The following AP5Z1 variants were observed in gnomAD, a reference collection of about 807,000 sequenced individuals.
AP5Z1 encodes adaptor related protein complex 5 subunit zeta 1, also known as AP-5 complex subunit zeta-1.
Under a neutral mutation model 83.0 loss-of-function variants are expected in AP5Z1, and 106 were observed. The ratio of observed to expected loss-of-function variants is 1.28; its 90% CI spans 1.09 to 1.50. AP5Z1 has a LOEUF of 1.50. Ranked by LOEUF, AP5Z1 falls within the 40% of genes most tolerant of loss-of-function variation. AP5Z1 has a pLI of 0.00. For missense variants in AP5Z1, 1,565 were observed against 1,094.2 expected (o/e 1.43, Z -6.07); for synonymous variants, 751 against 514.1 (o/e 1.46, Z -6.23).
chr7:4,781,357 CA>C, intron 2 of AP5Z1, 45 bp downstream of exon 2: 1 of 1,608,896 alleles, frequency 6.2e-7, no homozygotes, highest in Non-Finnish European at 8.5e-7. Context: ...ACAGCGGCCC[CA>C]GGAGAACCCA....
chr7:4,780,560 C>G (rs1191079287), intron 1 of AP5Z1, among the ~76,000 whole-genome samples: 2 of 151,888 alleles, frequency 1.3e-5, no homozygotes, highest in South Asian at 2.1e-4. Flanking sequence ...GTCAGGAGAT[C>G]AAGACCATCC....
chr7:4,784,588 G>A (rs1431485261), intron 6 of AP5Z1, among the ~76,000 whole-genome samples: 1 of 152,140 alleles, frequency 6.6e-6, no homozygotes, highest in Non-Finnish European at 1.5e-5. Flanking sequence ...GGGATCCTCT[G>A]GACACCCCGT....
chr7:4,787,530 G>A (rs943498373), intron 10 of AP5Z1, 104 bp from the exon 11 acceptor site: 1 of 1,453,414 alleles, frequency 6.9e-7, no homozygotes, highest in Non-Finnish European at 9.1e-7. Context: ...AGCCCTCCTG[G>A]GGACTGCAGG....
intron 13 of AP5Z1, 125 bp downstream of exon 13, chr7:4,789,076 G>T: frequency 1.2e-6 from 1 of 833,208 alleles, no homozygotes; most frequent in Non-Finnish European, 1.9e-6. Flanking sequence ...CACCATCCAC[G>T]GTCCCTGTGA....
At position 4,785,446 on chromosome 7, in the gene AP5Z1, G is replaced by A. The variant is rs1781511458; in HGVS notation, c.963G>A (p.Gln321=). The A allele has an allele frequency of 2.5e-6, 4 of 1,613,502 alleles. No individual in the cohort carries two copies. Among genetic ancestry groups the A allele is most frequent in the Non-Finnish European group, 3.4e-6 (4 of 1,179,720 alleles). The change falls in exon 8 of 17, where the codon CAG becomes CAA. Residue 321 remains glutamine (Q), a synonymous_variant. Transcript: ENST00000649063. ...RALRKGDSDL[Q]KACLVEAVLV... ...TGAGGAAGGGGGACTCCGACCTGCA[G>A]AAAGCTGTAAGTGGCTGGGGACCAG...
Position 4,788,656 on chromosome 7 carries a change from A to G in AP5Z1, c.1596-184A>G, listed in dbSNP as rs1027322753. The G allele has an allele frequency of 1.4e-5, 8 of 553,674 alleles. No individual in the cohort carries two copies. In the East Asian group the frequency reaches 2.2e-4, roughly 15 times the overall value. The allele number at this position is 553,674 out of a possible 1,614,324, so 34.3% of individuals were successfully genotyped here. ...CGCCAGCCTTTGTCCCGATGGCTTT[A>G]CTGTCCCGGGTGTGCTGACGCCAGG... On this transcript the variant is annotated intron_variant, in intron 12 of 16. Coordinates refer to ENST00000649063, the MANE Select transcript of AP5Z1 (RefSeq NM_014855.3).
rs542990775 is a variant in AP5Z1 at position 4,794,248 on chromosome 7, C to G, written c.*2863C>G. The G allele has an allele frequency of 1.3e-5, 2 of 152,340 alleles. No homozygotes were observed. The highest frequency in any genetic ancestry group is 4.1e-4 in the South Asian group (2 of 4,826). 9.4% of individuals were successfully genotyped at this position (152,340 alleles called of 1,614,324 possible). On this transcript the variant is annotated 3_prime_UTR_variant, in exon 17 of 17. Transcript: ENST00000649063. ...ATCAGCACCCTGTCAAAACAGACCA[C>G]TCGGCTCTACCAGTCAGCAGGATGT...
At chr7:4,790,267 A>G (rs2115127480) in intron 14 of AP5Z1, 192 bp from the exon 15 acceptor site, 1 of 1,543,166 alleles carries the variant, frequency 6.5e-7, no homozygotes, top group East Asian at 2.4e-5. Context: ...GCCTGAGGCC[A>G]GCGCTGGTGC....
Position 4,791,267 on chromosome 7 carries a change from C to G in AP5Z1, c.2306C>G (p.Thr769Arg), listed in dbSNP as rs757790495. 2.7e-5 allele frequency: 44 copies of G among 1,612,740 alleles called. No individual in the cohort carries two copies. Among genetic ancestry groups the G allele is most frequent in the Middle Eastern group, 1.6e-4 (1 of 6,062 alleles). Residue 769 changes from threonine to arginine, a missense_variant, in exon 17 of 17, where the codon ACA becomes AGA. Transcript: ENST00000649063. ...KMPSVAQFVL[T>R]PSTEVCSPRY... ...CCTAGCGTGGCCCAGTTTGTGCTCA[C>G]ACCCAGCACGGAGGTGTGCAGCCCC...
In AP5Z1 at chr7:4,792,158, G is replaced by GCCACCTTCCTGGGCCCTGTGGTC. The variant is rs1781798865; in HGVS notation, c.*779_*801dup. The GCCACCTTCCTGGGCCCTGTGGTC allele has an allele frequency of 1.3e-5, 2 of 152,150 alleles. No individual in the cohort carries two copies. Among genetic ancestry groups the GCCACCTTCCTGGGCCCTGTGGTC allele is most frequent in the African/African-American group, 2.4e-5 (1 of 41,418 alleles). The allele number at this position is 152,150 out of a possible 1,614,324, so 9.4% of individuals were successfully genotyped here. On this transcript the variant is annotated 3_prime_UTR_variant, in exon 17 of 17. Transcript: ENST00000649063. ...TGTCTGGGCGTGCGGCCCCAGCCCC[G>GCCACCTTCCTGGGCCCTGTGGTC]CCACCTTCCTGGGCCCTGTGGTCCC...
At chr7:4,783,228 C>G in intron 3 of AP5Z1, 88 bp from the exon 4 acceptor site, 1 of 1,474,508 alleles carries the variant, frequency 6.8e-7, no homozygotes, top group Non-Finnish European at 9.1e-7. Context: ...ACCGACGCTT[C>G]TCAGGAGTGT....
chr7:4,777,664 C>A (rs901005873), intron 1 of AP5Z1, among the ~76,000 whole-genome samples: 3 of 152,184 alleles, frequency 2.0e-5, no homozygotes, highest in Non-Finnish European at 4.4e-5. Flanking sequence ...GCCGGGATTA[C>A]AGGTGTGAGC....
chr7:4,785,641 T>TGTGCGG lies in AP5Z1; in HGVS notation c.1094_1099dup (p.Arg365_Val366dup), dbSNP rs745650496. 2.6e-6 allele frequency: 4 copies of TGTGCGG among 1,564,848 alleles called. No individual in the cohort carries two copies. The African/African-American group carries it at 5.4e-5, about 21-fold the overall frequency. ...GGCGGGTGCGCGGGGACCCGGCCTC[T>TGTGCGG]GTGCGGGTGCTGCTGCCCCTCGCCC... On this transcript the variant is annotated inframe_insertion, in exon 9 of 17. Coordinates refer to ENST00000649063, the MANE Select transcript of AP5Z1 (RefSeq NM_014855.3).
At position 4,788,918 on chromosome 7, in the gene AP5Z1, GC is replaced by G. The variant is rs777967550; in HGVS notation, c.1675del (p.Leu559CysfsTer9). The G allele has an allele frequency of 6.2e-7, 1 of 1,611,322 alleles. No homozygotes were observed. The highest frequency in any genetic ancestry group is 8.5e-7 in the Non-Finnish European group (1 of 1,179,444). On this transcript the variant is annotated frameshift_variant, in exon 13 of 17. Transcript: ENST00000649063. LOFTEE classifies it high-confidence loss of function. ...CCCAGTGTGCCCAGGCCGTGCCCAC[GC>G]TGCTGCAGGCATTCTTCTCAGCAGT... ...VAQCAQAVPT[L>X]LQAFFSAVTQ...
rs191971593 is a variant in AP5Z1 at position 4,783,430 on chromosome 7, G to A, written c.481G>A (p.Val161Met). Reference protein sequence around the residue: ...RHLLPVMAKVVVLSPGTLQED... With the variant: ...RHLLPVMAKVMVLSPGTLQED... ...CCTCCTCCCCGTCATGGCCAAGGTCGTGGTCCTCAGCCCGGGCACCCTCCA... is the reference window on the plus strand; with the variant it reads ...CCTCCTCCCCGTCATGGCCAAGGTCATGGTCCTCAGCCCGGGCACCCTCCA... The change falls in exon 4 of 17, where the codon GTG (valine) becomes ATG (methionine). Residue 161 changes from valine to methionine, a missense_variant. Val to Met is a conservative substitution (Grantham distance 21). Coordinates refer to ENST00000649063, the MANE Select transcript of AP5Z1 (RefSeq NM_014855.3). The A allele has an allele frequency of 2.8e-3, 4,592 of 1,612,872 alleles. 12 individuals carry two copies. The highest frequency in any genetic ancestry group is 3.5e-3 in the Non-Finnish European group (4,134 of 1,179,708).
chr7:4,776,071 G>C (rs1389976734), intron 1 of AP5Z1, among the ~76,000 whole-genome samples: 1 of 152,200 alleles, frequency 6.6e-6, no homozygotes, highest in Non-Finnish European at 1.5e-5. Context: ...GCAGGAAATC[G>C]GGCAGCCGGG....
At chr7:4,787,068 G>A (rs780745643) in intron 10 of AP5Z1, among the ~76,000 whole-genome samples, 8 of 150,966 alleles carry the variant, frequency 5.3e-5, no homozygotes, top group East Asian at 2.0e-4. Flanking sequence ...CACCGCACCC[G>A]GCCTGGTGCC....
intron 10 of AP5Z1, 63 bp from the exon 11 acceptor site, chr7:4,787,571 C>T (rs1387170870): frequency 6.6e-7 from 1 of 1,515,510 alleles, no homozygotes; most frequent in Non-Finnish European, 8.9e-7. Context: ...CTAGCTGGCT[C>T]CTCCCTCTGC....
intron 12 of AP5Z1, 69 bp downstream of exon 12, chr7:4,788,363 C>T: frequency 1.3e-6 from 2 of 1,487,494 alleles, no homozygotes; most frequent in Non-Finnish European, 1.8e-6. Context: ...TGGGGTGGGG[C>T]TCACTGCTCA....
Sources: allele counts gnomAD v4.1 joint callset (sites outside exome capture counted in the v4.1 genomes callset), GRCh38; gene constraint gnomAD v4.1.1; transcripts MANE v1.5; gene names NCBI Gene and HGNC (gene_info 2026-07-23, HGNC 2026-07-21).